ITFG1: variants seen among roughly 807,000 people sequenced by gnomAD.
The protein encoded by ITFG1 is T-cell immunomodulatory protein.
In ITFG1, 34 loss-of-function variants were observed where a neutral mutation model predicts 81.8. That is an observed-to-expected ratio of 0.42 (90% CI 0.32 to 0.55). The LOEUF is 0.55. Among genes scored for constraint, ITFG1 ranks in the 20% least tolerant of loss-of-function variants. The probability of loss-of-function intolerance (pLI) is 0.17; values close to 1 mark genes in which losing one functional copy is unlikely to be tolerated. For missense variants in ITFG1, 672 were observed against 755.4 expected, an observed-to-expected ratio of 0.89 and a Z score of 1.29; for synonymous variants, 285 against 270.6, an observed-to-expected ratio of 1.05 and a Z score of -0.52.
At chr16:47,423,061 G>A (rs1019269047) in intron 6 of ITFG1, among the ~76,000 whole-genome samples, 2 of 152,146 alleles carry the variant, frequency 1.3e-5, no homozygotes, top group Non-Finnish European at 2.9e-5. Context: ...GGGAGTCTAA[G>A]TCTCTTTGTA....
At chr16:47,215,131 G>A (rs554645191) in intron 14 of ITFG1, among the ~76,000 whole-genome samples, 53 of 152,268 alleles carry the variant, frequency 3.5e-4, no homozygotes, top group African/African-American at 1.3e-3. Context: ...ACTCTCAGCT[G>A]CTCTAGGAGA....
chr16:47,254,537 G>A (rs1040089632), intron 12 of ITFG1, among the ~76,000 whole-genome samples: 2 of 152,126 alleles, frequency 1.3e-5, no homozygotes, highest in African/African-American at 2.4e-5. Context: ...CAGTGGAGTC[G>A]CAGGCCCTCA....
chr16:47,383,230 T>C (rs1447278812), intron 6 of ITFG1, among the ~76,000 whole-genome samples: 2 of 152,214 alleles, frequency 1.3e-5, no homozygotes, highest in African/African-American at 4.8e-5. Flanking sequence ...TGGAAATAAC[T>C]GGAGAACAGG....
At chr16:47,186,789 G>C (rs545164761) in intron 14 of ITFG1, among the ~76,000 whole-genome samples, 209 of 152,174 alleles carry the variant, frequency 1.4e-3, no homozygotes, top group African/African-American at 4.9e-3. Flanking sequence ...GGAAATAAAG[G>C]GTATTCAATT....
chr16:47,405,422 A>G (rs1351842342), intron 6 of ITFG1, among the ~76,000 whole-genome samples: 1 of 152,210 alleles, frequency 6.6e-6, no homozygotes, highest in Non-Finnish European at 1.5e-5. Flanking sequence ...TTTGTGGGCA[A>G]TATATATCCA....
At chr16:47,288,772 C>T (rs1966880252) in intron 10 of ITFG1, among the ~76,000 whole-genome samples, 1 of 152,156 alleles carries the variant, frequency 6.6e-6, no homozygotes, top group South Asian at 2.1e-4. Context: ...GTGGTGCACA[C>T]CTGTAGTCCC....
intron 14 of ITFG1, among the ~76,000 whole-genome samples, chr16:47,214,598 T>C (rs1021554589): frequency 6.6e-6 from 1 of 152,220 alleles, no homozygotes; most frequent in Non-Finnish European, 1.5e-5. Context: ...TTTAAGCTCC[T>C]AAAAAGTTCA....
intron 10 of ITFG1, among the ~76,000 whole-genome samples, chr16:47,283,550 C>T (rs562798065): frequency 1.3e-5 from 2 of 152,264 alleles, no homozygotes; most frequent in African/African-American, 4.8e-5. Flanking sequence ...CAATATGCTA[C>T]ACTGTGAAAT....
At chr16:47,458,508 A>G (rs1404212383) in intron 2 of ITFG1, among the ~76,000 whole-genome samples, 3 of 152,182 alleles carry the variant, frequency 2.0e-5, no homozygotes, top group Non-Finnish European at 2.9e-5. Context: ...GCTTCAAATG[A>G]ATGTAGTTTC....
chr16:47,372,382 G>A (rs915096999), intron 7 of ITFG1, among the ~76,000 whole-genome samples: 5 of 151,626 alleles, frequency 3.3e-5, no homozygotes, highest in African/African-American at 1.2e-4. Flanking sequence ...GTAGTTGGGA[G>A]ACATATCTCT....
At chr16:47,369,607 A>G (rs1440165009) in intron 7 of ITFG1, among the ~76,000 whole-genome samples, 1 of 152,086 alleles carries the variant, frequency 6.6e-6, no homozygotes, top group Non-Finnish European at 1.5e-5. Flanking sequence ...ATCTCCACCT[A>G]TTTGTATATT....
chr16:47,423,262 T>C (rs573286633), intron 6 of ITFG1, among the ~76,000 whole-genome samples: 4 of 151,116 alleles, frequency 2.6e-5, no homozygotes, highest in South Asian at 2.1e-4. Context: ...TTTTTTTTTT[T>C]TTTTTTTTGC....
chr16:47,263,562 A>G, intron 10 of ITFG1: 2 of 244,532 alleles, frequency 8.2e-6, no homozygotes. Flanking sequence ...ATATGGATAC[A>G]GTGCTTCATC....
At chr16:47,259,878 T>A (rs940133503) in intron 11 of ITFG1, among the ~76,000 whole-genome samples, 3 of 152,042 alleles carry the variant, frequency 2.0e-5, no homozygotes, top group Non-Finnish European at 4.4e-5. Context: ...AACTGAGCAC[T>A]AAACTCATTC....
In ITFG1 at chr16:47,244,606, TGTGTGTGTG is replaced by T. The variant is rs1567433990; in HGVS notation, c.1331-6607_1331-6599del. On this transcript the variant is annotated intron_variant, in intron 12 of 17. Transcript: ENST00000320640. ...ATTCCATCTTTTGTGTGTGTGTGTG[TGTGTGTGTG>T]TGTGTGTGTGTGTGTGTGTGTGTGT... 2.0e-3 allele frequency among the ~76,000 whole-genome samples: 182 copies of T among 91,160 alleles called. 4 individuals are homozygous for T. Among genetic ancestry groups the T allele is most frequent in the Admixed American group, 0.012 (135 of 11,102 alleles). The allele number at this position is 91,160 out of a possible 152,430, so 59.8% of individuals were successfully genotyped here. A position where few individuals can be genotyped will look rare whatever the true frequency, so the allele number is the denominator to read the frequency against.
At chr16:47,221,235 A>G (rs1423255557) in intron 13 of ITFG1, among the ~76,000 whole-genome samples, 2 of 152,116 alleles carry the variant, frequency 1.3e-5, no homozygotes, top group South Asian at 4.1e-4. Flanking sequence ...CCATCACTGT[A>G]AAGTTTCTTG....
In ITFG1 at chr16:47,154,426, A is replaced by C. The variant is rs1352332264; in HGVS notation, c.*1293T>G. 1 of 152,230 alleles carries C rather than the reference A, an allele frequency of 6.6e-6. No homozygotes were observed. Among genetic ancestry groups the C allele is most frequent in the Non-Finnish European group, 1.5e-5 (1 of 68,032 alleles). The allele number at this position is 152,230 out of a possible 1,614,324, so 9.4% of individuals were successfully genotyped here. A position where few individuals can be genotyped will look rare whatever the true frequency, so the allele number is the denominator to read the frequency against. On this transcript the variant is annotated 3_prime_UTR_variant, in exon 18 of 18. Coordinates refer to ENST00000320640, the MANE Select transcript of ITFG1 (RefSeq NM_030790.5). ...GAATATTTATTAAGAAGACATGTTAACATGCTTAGATACAAAGTAAAAACA... is the reference window on the plus strand; with the variant it reads ...GAATATTTATTAAGAAGACATGTTACCATGCTTAGATACAAAGTAAAAACA...
intron 6 of ITFG1, among the ~76,000 whole-genome samples, chr16:47,410,032 G>A (rs959754483): frequency 2.0e-5 from 3 of 152,120 alleles, no homozygotes; most frequent in Non-Finnish European, 4.4e-5. Flanking sequence ...CCAGCACTCC[G>A]GGAGGCCAAG....
chr16:47,244,035 T>G (rs1490188945), intron 12 of ITFG1, among the ~76,000 whole-genome samples: 1 of 152,090 alleles, frequency 6.6e-6, no homozygotes, highest in Non-Finnish European at 1.5e-5. Flanking sequence ...TGTCTCTAAA[T>G]AAATAAATGT....
Sources: allele counts gnomAD v4.1 joint callset (sites outside exome capture counted in the v4.1 genomes callset), GRCh38; gene constraint gnomAD v4.1.1; transcripts MANE v1.5; gene names NCBI Gene and HGNC (gene_info 2026-07-23, HGNC 2026-07-21).